Variants in SNX31 observed in about 807,000 individuals in gnomAD.
SNX31 encodes sorting nexin 31.
SNX31 carries 58 observed loss-of-function variants against 65.4 expected under a neutral mutation model. The ratio of observed to expected loss-of-function variants is 0.89; its 90% CI spans 0.72 to 1.10. The LOEUF (loss-of-function observed/expected upper bound fraction) is 1.10. SNX31 is among the 50% of genes least tolerant of loss of function. The pLI, the probability that SNX31 is intolerant of heterozygous loss-of-function variation, is 0.00. For synonymous variants in SNX31, 181 were observed against 190.1 expected (o/e 0.95, Z 0.39); for missense variants, 523 against 529.7 (o/e 0.99, Z 0.12).
chr8:100,643,187 C>T (rs527956283), intron 2 of SNX31, among the ~76,000 whole-genome samples: 5 of 134,606 alleles, frequency 3.7e-5, no homozygotes, highest in East Asian at 4.5e-4. Flanking sequence ...AGCGTGACTC[C>T]GTCTCAAAAA....
At chr8:100,608,451 G>T in intron 8 of SNX31, 43 bp downstream of exon 8, 1 of 1,591,322 alleles carries the variant, frequency 6.3e-7, no homozygotes. Context: ...AGCCAACATG[G>T]CCTATGATCT....
Position 100,648,583 on chromosome 8 carries a change from C to G in SNX31, c.141+691G>C, listed in dbSNP as rs956101673. ...AGTGTAAAGTTTATTTCTAAACTTT[C>G]ATTTACTTCTCTAATCCATTTTGAA... On this transcript the variant is annotated intron_variant, in intron 2 of 13. Coordinates refer to ENST00000311812, the MANE Select transcript of SNX31 (RefSeq NM_152628.4). This position sits in a 1 kb window ranked among gnomAD's most constrained non-coding sequence, Gnocchi z 4.3. 2.6e-5 allele frequency among the ~76,000 whole-genome samples: 4 copies of G among 152,116 alleles called. No homozygotes were observed. The highest frequency in any genetic ancestry group is 9.7e-5 in the African/African-American group (4 of 41,422).
Position 100,617,285 on chromosome 8 carries a change from C to T in SNX31, c.432+335G>A, listed in dbSNP as rs571161402. Among the ~76,000 whole-genome samples, 6 of 152,312 alleles carry T rather than the reference C, an allele frequency of 3.9e-5. No individual in the cohort carries two copies. The East Asian group carries it at 1.2e-3, about 29-fold the overall frequency. On this transcript the variant is annotated intron_variant, in intron 5 of 13. Coordinates refer to ENST00000311812, the MANE Select transcript of SNX31 (RefSeq NM_152628.4). ...CTGCCAAGCCCCACTTTCCTTCCTG[C>T]TCCCAACGATGGGACATCCAGTAAT...
At chr8:100,597,051 C>T (rs954798677) in intron 9 of SNX31, among the ~76,000 whole-genome samples, 1 of 152,172 alleles carries the variant, frequency 6.6e-6, no homozygotes, top group African/African-American at 2.4e-5. Flanking sequence ...CATGGAGTGT[C>T]CTTCCAGGGA....
At position 100,626,260 on chromosome 8, in the gene SNX31, C is replaced by T. The variant is rs113429297; in HGVS notation, c.321+4067G>A. Among the ~76,000 whole-genome samples, 2,286 of 152,254 alleles carry T rather than the reference C, an allele frequency of 0.015. 30 individuals carry two copies. Among genetic ancestry groups the T allele is most frequent in the Non-Finnish European group, 0.021 (1,430 of 68,004 alleles). ...AAAGCAACCCCAAGAGACAGGAGCT[C>T]TTCTCCCCATTTTACAGATGGGGAA... On this transcript the variant is annotated intron_variant, in intron 4 of 13. Transcript: ENST00000311812. This position sits in a 1 kb window ranked among gnomAD's most constrained non-coding sequence, Gnocchi z 4.4.
rs569493069 is a variant in SNX31 at position 100,629,541 on chromosome 8, A to C, written c.321+786T>G. ...TGTTGTGAGAACCCAATGGGATTTT[A>C]TTTTATAAATGAGTAAATGAATGAA... On this transcript the variant is annotated intron_variant, in intron 4 of 13. Coordinates refer to ENST00000311812, the MANE Select transcript of SNX31 (RefSeq NM_152628.4). The surrounding 1 kb of genome is among the most constrained non-coding windows in gnomAD (Gnocchi z 5.1). Among the ~76,000 whole-genome samples the C allele has an allele frequency of 5.8e-4, 88 of 152,314 alleles. 1 individual carries two copies. In the South Asian group the frequency reaches 0.018, roughly 31 times the overall value.
chr8:100,584,971 C>T lies in SNX31; in HGVS notation c.1093-783G>A, dbSNP rs1447891632. On this transcript the variant is annotated intron_variant, in intron 11 of 13. Coordinates refer to ENST00000311812, the MANE Select transcript of SNX31 (RefSeq NM_152628.4). ...AATTCCTGACCTCAAGTGATCCACC[C>T]GCCTCGCCTCCCAAAGTACTGGGAT... 3.9e-5 allele frequency among the ~76,000 whole-genome samples: 6 copies of T among 152,114 alleles called. No individual in the cohort carries two copies. In the East Asian group the frequency reaches 7.7e-4, roughly 20 times the overall value.
At chr8:100,602,502 G>A (rs1451136228) in intron 8 of SNX31, among the ~76,000 whole-genome samples, 2 of 152,136 alleles carry the variant, frequency 1.3e-5, no homozygotes, top group Admixed American at 1.3e-4. Context: ...TATATACTAT[G>A]TTTTTTCCTG....
intron 13 of SNX31, among the ~76,000 whole-genome samples, chr8:100,574,863 G>A (rs972110925): frequency 2.0e-5 from 3 of 152,190 alleles, no homozygotes; most frequent in African/African-American, 7.2e-5. Flanking sequence ...GAACCTGGGA[G>A]GTGGAGGTTG....
chr8:100,585,592 G>A (rs1446308193), intron 11 of SNX31, among the ~76,000 whole-genome samples: 1 of 152,106 alleles, frequency 6.6e-6, no homozygotes, highest in Non-Finnish European at 1.5e-5. Flanking sequence ...GAGAAAAAAG[G>A]GCCTGACATC....
At chr8:100,586,362 T>G (rs1293755650) in intron 11 of SNX31, among the ~76,000 whole-genome samples, 1 of 152,200 alleles carries the variant, frequency 6.6e-6, no homozygotes, top group African/African-American at 2.4e-5. Flanking sequence ...TCCATAAAAA[T>G]TATAATGTTT....
intron 3 of SNX31, among the ~76,000 whole-genome samples, chr8:100,635,554 TAAA>T (rs58496992): frequency 2.2e-5 from 3 of 134,262 alleles, no homozygotes; most frequent in Non-Finnish European, 1.6e-5. Flanking sequence ...CTTCATCTCT[TAAA>T]AAAAAAAAAA....
rs1292724401 is a variant in SNX31, at chr8:100,612,485, A to C, written c.524-398T>G. ...TTTAATATAACTGATACCATTTTAC[A>C]AAAAAAAAAAACTTGTAATATCTAG... On this transcript the variant is annotated intron_variant, in intron 6 of 13. Transcript: ENST00000311812. The surrounding 1 kb of genome is among the most constrained non-coding windows in gnomAD (Gnocchi z 4.3). Among the ~76,000 whole-genome samples the C allele has an allele frequency of 2.3e-5, 1 of 44,102 alleles. No homozygotes were observed. The highest frequency in any genetic ancestry group is 4.4e-5 in the Non-Finnish European group (1 of 22,730). The allele number at this position is 44,102 out of a possible 152,430, so 28.9% of individuals were successfully genotyped here. A position where few individuals can be genotyped will look rare whatever the true frequency, so the allele number is the denominator to read the frequency against.
intron 13 of SNX31, 74 bp from the exon 14 acceptor site, chr8:100,574,034 G>A: frequency 1.2e-6 from 1 of 848,700 alleles, no homozygotes; most frequent in Non-Finnish European, 1.8e-6. Flanking sequence ...AAGTCACAGA[G>A]GTTAAAACAG....
At chr8:100,658,581 A>T (rs923744845) in intron 1 of SNX31, among the ~76,000 whole-genome samples, 2 of 152,178 alleles carry the variant, frequency 1.3e-5, no homozygotes, top group Non-Finnish European at 2.9e-5. Context: ...AACCCTATGA[A>T]ATAGGTACTA....
At position 100,622,664 on chromosome 8, in the gene SNX31, G is replaced by GTAAATAAA. The variant is rs150849109; in HGVS notation, c.322-4942_322-4935dup. 3.7e-4 allele frequency among the ~76,000 whole-genome samples: 55 copies of GTAAATAAA among 149,658 alleles called. 1 individual carries two copies. The highest frequency in any genetic ancestry group is 7.9e-4 in the African/African-American group (32 of 40,650). On this transcript the variant is annotated intron_variant, in intron 4 of 13. Coordinates refer to ENST00000311812, the MANE Select transcript of SNX31 (RefSeq NM_152628.4). The surrounding 1 kb of genome is among the most constrained non-coding windows in gnomAD (Gnocchi z 5.0). ...AGACTCCCTCTCAAAAAATAAATAAGTAAATAAATAAATAAATAAATAAAT... is the reference window on the plus strand; with the variant it reads ...AGACTCCCTCTCAAAAAATAAATAAGTAAATAAATAAATAAATAAATAAATAAATAAAT...
At position 100,629,646 on chromosome 8, in the gene SNX31, G is replaced by A. The variant is rs567597523; in HGVS notation, c.321+681C>T. Among the ~76,000 whole-genome samples, 12 of 152,272 alleles carry A rather than the reference G, an allele frequency of 7.9e-5. No homozygotes were observed. The highest frequency in any genetic ancestry group is 2.1e-4 in the South Asian group (1 of 4,828). On this transcript the variant is annotated intron_variant, in intron 4 of 13. Coordinates refer to ENST00000311812, the MANE Select transcript of SNX31 (RefSeq NM_152628.4). The surrounding 1 kb of genome is among the most constrained non-coding windows in gnomAD (Gnocchi z 5.1). Reference sequence around the variant, plus strand: ...CAGTTAACTAGTATCATATTACTGCGGAACTTAAATTCTTTCAGAGCTTTT... The same window carrying A: ...CAGTTAACTAGTATCATATTACTGCAGAACTTAAATTCTTTCAGAGCTTTT...
At position 100,630,585 on chromosome 8, in the gene SNX31, A is replaced by G. The variant is rs1818347434; in HGVS notation, c.257-194T>C. On this transcript the variant is annotated intron_variant, in intron 3 of 13. Transcript: ENST00000311812. The surrounding 1 kb of genome is among the most constrained non-coding windows in gnomAD (Gnocchi z 5.3). ...CCTATAGGCAGCCTTAACAACAGGA[A>G]CCCATGACACCCATCCAGGGTGACA... Among the ~76,000 whole-genome samples, 1 of 152,140 alleles carries G rather than the reference A, an allele frequency of 6.6e-6. No individual in the cohort carries two copies. The highest frequency in any genetic ancestry group is 2.1e-4 in the South Asian group (1 of 4,828).
intron 1 of SNX31, among the ~76,000 whole-genome samples, chr8:100,657,058 A>G (rs1820063880): frequency 6.6e-6 from 1 of 152,250 alleles, no homozygotes; most frequent in African/African-American, 2.4e-5. Context: ...GCCATTGGAT[A>G]TTGTACCTTA....
Sources: gnomAD v4.1 joint callset for allele counts (sites outside exome capture counted in the v4.1 genomes callset) on GRCh38, gnomAD v4.1.1 for gene constraint, Gnocchi (gnomAD v3.1) non-coding constraint, MANE v1.5 for transcripts, NCBI Gene and HGNC (gene_info 2026-07-23, HGNC 2026-07-21) for gene names.